Variants in CTNNA2 observed in about 807,000 individuals in gnomAD.
CTNNA2 encodes the protein catenin alpha 2, also known as catenin alpha-2.
In CTNNA2, 42 loss-of-function variants were observed where a neutral mutation model predicts 101.0. The ratio of observed to expected loss-of-function variants is 0.42; its 90% confidence interval spans 0.32 to 0.54. The LOEUF (loss-of-function observed/expected upper bound fraction) is 0.54. Ranked by LOEUF, CTNNA2 falls within the 20% of genes least tolerant of loss-of-function variation. The probability of loss-of-function intolerance (pLI) is 0.14; values close to 1 mark genes in which losing one functional copy is unlikely to be tolerated. For missense variants in CTNNA2, 871 were observed against 1,223.1 expected, an observed-to-expected ratio of 0.71 and a Z score of 4.29; for synonymous variants, 450 against 456.4, an observed-to-expected ratio of 0.99 and a Z score of 0.18.
intron 7 of CTNNA2, among the ~76,000 whole-genome samples, chr2:80,094,418 A>G (rs1280131076): frequency 1.3e-5 from 2 of 152,242 alleles, no homozygotes; most frequent in South Asian, 2.1e-4. Flanking sequence ...GCCTTATAGT[A>G]TAGTTTAAAG....
chr2:79,493,943 A>C, intron 4 of CTNNA2: 1 of 152,304 alleles, frequency 6.6e-6, no homozygotes, highest in East Asian at 1.9e-4. Flanking sequence ...ATTCACCAAA[A>C]AGTATTAAAA....
chr2:79,994,733 T>C (rs1001051317), intron 7 of CTNNA2, among the ~76,000 whole-genome samples: 6 of 152,350 alleles, frequency 3.9e-5, no homozygotes, highest in African/African-American at 1.4e-4. Flanking sequence ...TGGTACATTT[T>C]CTAAATATGT....
rs940098354 is a variant in CTNNA2 at position 80,114,704 on chromosome 2, T to G, written c.1056+204907T>G. ...GGCTCCTATCCCCATAATCAGACTT[T>G]CCACAGAATTGCATTTTCTAACCTA... On this transcript the variant is annotated intron_variant, in intron 7 of 18. Coordinates refer to ENST00000402739, the MANE Select transcript of CTNNA2 (RefSeq NM_001282597.3). Among the ~76,000 whole-genome samples the G allele has an allele frequency of 3.9e-5, 6 of 152,202 alleles. No individual in the cohort carries two copies. In the East Asian group the frequency reaches 1.2e-3, roughly 29 times the overall value.
chr2:79,628,045 G>T (rs567682526), intron 1 of CTNNA2, among the ~76,000 whole-genome samples: 3 of 152,082 alleles, frequency 2.0e-5, no homozygotes, highest in African/African-American at 7.2e-5. Context: ...ATTTTAAAAA[G>T]CATGTTCATG....
intron 8 of CTNNA2, among the ~76,000 whole-genome samples, chr2:80,408,457 C>T (rs1156558246): frequency 6.6e-6 from 1 of 152,162 alleles, no homozygotes; most frequent in African/African-American, 2.4e-5. Flanking sequence ...AATTGTCTTT[C>T]CCAATTACCA....
At chr2:80,511,783 C>T (rs1688720808) in intron 9 of CTNNA2, among the ~76,000 whole-genome samples, 1 of 152,122 alleles carries the variant, frequency 6.6e-6, no homozygotes, top group South Asian at 2.1e-4. Context: ...CATATACCAA[C>T]TACATATCTG....
At chr2:79,379,439 C>T (rs1678015484) in intron 4 of CTNNA2, among the ~76,000 whole-genome samples, 1 of 152,172 alleles carries the variant, frequency 6.6e-6, no homozygotes, top group Admixed American at 6.5e-5. Context: ...CCTTCAACCC[C>T]ACCATAGGGC....
intron 7 of CTNNA2, among the ~76,000 whole-genome samples, chr2:80,333,796 G>T (rs1376097783): frequency 6.6e-6 from 1 of 152,162 alleles, no homozygotes. Flanking sequence ...GCTAATTTTT[G>T]TATTTTTACT....
In CTNNA2 at chr2:79,619,318, G is replaced by T. The variant is rs546979021; in HGVS notation, c.-5-32234G>T. ...AAGAAAGAAGAAGGGCACTGCAGTG[G>T]CCAGGTCCTCCACCAAGAGTGATAA... On this transcript the variant is annotated intron_variant, in intron 1 of 18. Transcript: ENST00000402739. Among the ~76,000 whole-genome samples, 63 of 152,232 alleles carry T rather than the reference G, an allele frequency of 4.1e-4. No homozygotes were observed. The East Asian group carries it at 7.9e-3, about 19-fold the overall frequency.
intron 7 of CTNNA2, among the ~76,000 whole-genome samples, chr2:80,163,977 ATCCT>A (rs539541303): frequency 6.6e-6 from 1 of 151,028 alleles, no homozygotes; most frequent in Admixed American, 6.6e-5. Flanking sequence ...GTATTTTTTC[ATCCT>A]TCTGTATGTA....
intron 8 of CTNNA2, among the ~76,000 whole-genome samples, chr2:80,403,300 G>A (rs755249794): frequency 6.6e-6 from 1 of 152,124 alleles, no homozygotes; most frequent in Non-Finnish European, 1.5e-5. Context: ...CCTGCTGTAG[G>A]AGAAAGTTCC....
intron 18 of CTNNA2, among the ~76,000 whole-genome samples, chr2:80,633,554 A>G (rs1672516046): frequency 1.3e-5 from 2 of 152,206 alleles, no homozygotes; most frequent in African/African-American, 4.8e-5. Flanking sequence ...AAATGGCATC[A>G]ATAGCCAGGA....
At chr2:80,045,406 C>T (rs1696449501) in intron 7 of CTNNA2, among the ~76,000 whole-genome samples, 1 of 152,094 alleles carries the variant, frequency 6.6e-6, no homozygotes, top group African/African-American at 2.4e-5. Context: ...GTTGGTTTCC[C>T]ATTTTTTAAG....
At chr2:79,645,725 A>T (rs1451811432) in intron 1 of CTNNA2, among the ~76,000 whole-genome samples, 3 of 152,224 alleles carry the variant, frequency 2.0e-5, no homozygotes, top group Non-Finnish European at 4.4e-5. Context: ...TCACTTTTGC[A>T]TGTGCAATTA....
chr2:79,937,360 G>A (rs1687859124), intron 7 of CTNNA2, among the ~76,000 whole-genome samples: 1 of 152,160 alleles, frequency 6.6e-6, no homozygotes, highest in African/African-American at 2.4e-5. Flanking sequence ...AAAACAACCT[G>A]CTCATAAGAT....
At chr2:80,262,723 T>C (rs1672706441) in intron 7 of CTNNA2, among the ~76,000 whole-genome samples, 2 of 152,182 alleles carry the variant, frequency 1.3e-5, no homozygotes, top group African/African-American at 4.8e-5. Context: ...GGGTTAGCAA[T>C]GCCTTAATTA....
Position 80,644,293 on chromosome 2 carries a change from A to G in CTNNA2, c.2575-3292A>G, listed in dbSNP as rs115886787. Reference sequence around the variant, plus strand: ...TAAATCACACAATTAAAAGGACTCAATGTCAGGCGTCTAGTAAGTGCTCAC... The same window carrying G: ...TAAATCACACAATTAAAAGGACTCAGTGTCAGGCGTCTAGTAAGTGCTCAC... On this transcript the variant is annotated intron_variant, in intron 18 of 18. Transcript: ENST00000402739. 6.1e-3 allele frequency among the ~76,000 whole-genome samples: 935 copies of G among 152,294 alleles called. 6 individuals are homozygous for G. The highest frequency in any genetic ancestry group is 0.017 in the Middle Eastern group (5 of 294).
intron 3 of CTNNA2, among the ~76,000 whole-genome samples, chr2:79,366,187 TTTA>T (rs1677746773): frequency 6.6e-6 from 1 of 152,164 alleles, no homozygotes; most frequent in Non-Finnish European, 1.5e-5. Flanking sequence ...GAAACAAACA[TTTA>T]GCTTACCTAA....
At chr2:80,091,996 AGCTTTCTTGTGCTCAGGAAAT>A (rs1279286178) in intron 7 of CTNNA2, among the ~76,000 whole-genome samples, 4 of 152,130 alleles carry the variant, frequency 2.6e-5, no homozygotes, top group African/African-American at 9.7e-5. Context: ...TTAGCCAAAA[AGCTTTCTTGTGCTCAGGAAAT>A]GTATCTTATT....
Sources: allele counts gnomAD v4.1 joint callset (sites outside exome capture counted in the v4.1 genomes callset), GRCh38; gene constraint gnomAD v4.1.1; transcripts MANE v1.5; gene names NCBI Gene and HGNC (gene_info 2026-07-23, HGNC 2026-07-21).